The following PLEKHH2 variants were observed in gnomAD, a reference collection of about 807,000 sequenced individuals.
The protein encoded by PLEKHH2 is pleckstrin homology, MyTH4 and FERM domain containing H2.
In PLEKHH2, 129 loss-of-function variants were observed where a neutral mutation model predicts 187.9. That is an observed-to-expected ratio of 0.69 (90% CI 0.59 to 0.79). The LOEUF is 0.79. Ranked by LOEUF, PLEKHH2 falls within the 30% of genes least tolerant of loss-of-function variation. The pLI is 0.00. For missense variants in PLEKHH2, 2,076 were observed against 1,751.2 expected (o/e 1.19, Z -3.31); for synonymous variants, 686 against 605.6 (o/e 1.13, Z -1.95).
intron 2 of PLEKHH2, among the ~76,000 whole-genome samples, chr2:43,648,348 C>G (rs369391228): frequency 6.6e-6 from 1 of 151,980 alleles, no homozygotes; most frequent in Non-Finnish European, 1.5e-5. Context: ...ACCACCACGC[C>G]TGGCTAATTT....
intron 15 of PLEKHH2, among the ~76,000 whole-genome samples, chr2:43,718,275 C>T (rs1366610123): frequency 6.6e-6 from 1 of 152,112 alleles, no homozygotes; most frequent in Non-Finnish European, 1.5e-5. Context: ...CACAGTGGCT[C>T]ACAGTGGTAA....
chr2:43,710,940 A>G (rs896071128), intron 14 of PLEKHH2: 17 of 1,013,740 alleles, frequency 1.7e-5, no homozygotes, highest in Non-Finnish European at 2.0e-5. Flanking sequence ...GAAATTCAGG[A>G]ATGTTTGTAT....
At chr2:43,720,544 T>C (rs1572616715) in intron 15 of PLEKHH2, 125 bp from the exon 16 acceptor site, 2 of 1,458,534 alleles carry the variant, frequency 1.4e-6, no homozygotes, top group East Asian at 2.4e-5. Context: ...GGACAATCTA[T>C]TTGGAATATC....
chr2:43,650,733 C>T (rs946544592), intron 2 of PLEKHH2, among the ~76,000 whole-genome samples: 1 of 151,750 alleles, frequency 6.6e-6, no homozygotes, highest in African/African-American at 2.4e-5. Context: ...GCAACCTCCA[C>T]CTCCCGGGTT....
intron 25 of PLEKHH2, among the ~76,000 whole-genome samples, chr2:43,754,206 A>ACACACACACAC (rs386354945): frequency 1.5e-4 from 15 of 101,852 alleles, no homozygotes; most frequent in African/African-American, 6.2e-4. Flanking sequence ...ACACACACAC[A>ACACACACACAC]AAATTAATAC....
chr2:43,698,988 A>G (rs1669226368), intron 7 of PLEKHH2, among the ~76,000 whole-genome samples: 1 of 152,124 alleles, frequency 6.6e-6, no homozygotes, highest in South Asian at 2.1e-4. Context: ...AATGTATCGA[A>G]GTTTGGTGCA....
intron 21 of PLEKHH2, among the ~76,000 whole-genome samples, chr2:43,741,922 T>C (rs957844746): frequency 2.0e-5 from 3 of 152,198 alleles, no homozygotes; most frequent in African/African-American, 7.2e-5. Context: ...TTCTAATGAG[T>C]TTTTCTAATG....
chr2:43,736,939 C>G (rs6753626), intron 19 of PLEKHH2, among the ~76,000 whole-genome samples: 1 of 151,896 alleles, frequency 6.6e-6, no homozygotes, highest in African/African-American at 2.4e-5. Context: ...TGTGTATGTG[C>G]GGAAAGTACC....
Position 43,707,543 on chromosome 2 carries a change from G to T in PLEKHH2, c.1964G>T (p.Arg655Leu), listed in dbSNP as rs200629095. 2.5e-6 allele frequency: 4 copies of T among 1,613,772 alleles called. No individual in the cohort carries two copies. Among genetic ancestry groups the T allele is most frequent in the Non-Finnish European group, 3.4e-6 (4 of 1,179,808 alleles). ...CCAGGCAGCCCCAGAGCCATGAAACGAGGTGAGGGAAAATCGCAGGCATAT... is the reference window on the plus strand; with the variant it reads ...CCAGGCAGCCCCAGAGCCATGAAACTAGGTGAGGGAAAATCGCAGGCATAT... The part of the protein sequence containing the change: ...SGPGSPRAMK[R>L]GVSLSSVASE... The change falls in exon 11 of 30, where the codon CGA becomes CTA. Residue 655 changes from arginine (R) to leucine (L), a missense_variant and splice_region_variant. Transcript: ENST00000282406.
chr2:43,711,278 C>A (rs1000696818), intron 14 of PLEKHH2: 83 of 985,226 alleles, frequency 8.4e-5, no homozygotes, highest in Non-Finnish European at 9.6e-5. Context: ...TCAATGTTTC[C>A]AGTGATTTGT....
At chr2:43,659,086 C>T (rs190633541) in intron 2 of PLEKHH2, among the ~76,000 whole-genome samples, 156 of 151,282 alleles carry the variant, frequency 1.0e-3, no homozygotes, top group Non-Finnish European at 1.9e-3. Flanking sequence ...GATCCTCCCA[C>T]CTCAGTCTCC....
At chr2:43,758,378 G>A (rs74738497) in intron 26 of PLEKHH2, among the ~76,000 whole-genome samples, 9 of 151,792 alleles carry the variant, frequency 5.9e-5, no homozygotes, top group African/African-American at 2.4e-5. Context: ...TCAGCCTCCC[G>A]AGTAGCTGGG....
chr2:43,671,925 G>C (rs925060444), intron 2 of PLEKHH2, among the ~76,000 whole-genome samples: 14 of 152,112 alleles, frequency 9.2e-5, no homozygotes, highest in Non-Finnish European at 7.4e-5. Flanking sequence ...GGCAATACTG[G>C]CCTTATAAAA....
chr2:43,640,658 T>G (rs931212030), intron 1 of PLEKHH2, among the ~76,000 whole-genome samples: 1 of 152,224 alleles, frequency 6.6e-6, no homozygotes, highest in African/African-American at 2.4e-5. Context: ...AGTGGAATGT[T>G]GTTGTGACTT....
intron 16 of PLEKHH2, among the ~76,000 whole-genome samples, chr2:43,721,125 G>T (rs1670458195): frequency 6.6e-6 from 1 of 152,216 alleles, no homozygotes; most frequent in East Asian, 1.9e-4. Context: ...ATCTATTTCT[G>T]TCCCAAGCCC....
chr2:43,725,428 C>T (rs1419486756), intron 16 of PLEKHH2, among the ~76,000 whole-genome samples: 1 of 152,150 alleles, frequency 6.6e-6, no homozygotes, highest in East Asian at 1.9e-4. Flanking sequence ...GAGACCTTCC[C>T]CCCTCCTTCT....
intron 2 of PLEKHH2, among the ~76,000 whole-genome samples, chr2:43,672,768 A>G (rs1385889540): frequency 6.6e-6 from 1 of 151,858 alleles, no homozygotes; most frequent in African/African-American, 2.4e-5. Context: ...CCTCCCTGCC[A>G]TTATTCTCTT....
intron 24 of PLEKHH2, 85 bp from the exon 25 acceptor site, chr2:43,753,534 C>T: frequency 8.9e-7 from 1 of 1,125,156 alleles, no homozygotes; most frequent in Non-Finnish European, 1.2e-6. Context: ...TTAAAACAAC[C>T]CCATCTCAGT....
chr2:43,679,360 A>G (rs1353536282), intron 3 of PLEKHH2, among the ~76,000 whole-genome samples: 1 of 152,008 alleles, frequency 6.6e-6, no homozygotes, highest in Non-Finnish European at 1.5e-5. Flanking sequence ...TTGCATTAAT[A>G]TGTAAAAATG....
Sources: gnomAD v4.1 joint callset for allele counts (sites outside exome capture counted in the v4.1 genomes callset) on GRCh38, gnomAD v4.1.1 for gene constraint, MANE v1.5 for transcripts, NCBI Gene and HGNC (gene_info 2026-07-23, HGNC 2026-07-21) for gene names.